The following PNLIP variants were observed in gnomAD, a reference collection of about 807,000 sequenced individuals.
The protein encoded by PNLIP is pancreatic triacylglycerol lipase.
Under a neutral mutation model 57.1 loss-of-function variants are expected in PNLIP, and 49 were observed. The observed-to-expected ratio is 0.86, with a 90% confidence interval of 0.68 to 1.09. The LOEUF (loss-of-function observed/expected upper bound fraction) is 1.09, where lower values mean the gene tolerates loss of function less well. Ranked by LOEUF, PNLIP falls within the 50% of genes least tolerant of loss-of-function variation. The probability of loss-of-function intolerance (pLI) is 0.00; values close to 1 mark genes in which losing one functional copy is unlikely to be tolerated. For synonymous variants in PNLIP, 209 were observed against 200.4 expected, an observed-to-expected ratio of 1.04 and a Z score of -0.36; for missense variants, 503 against 570.2, an observed-to-expected ratio of 0.88 and a Z score of 1.20.
In PNLIP at chr10:116,555,485, G is replaced by A. The variant is rs753917078; in HGVS notation, c.789G>A (p.Val263=). Residue 263 remains valine, a synonymous_variant, in exon 8 of 13, where the codon GTG becomes GTA. Transcript: ENST00000369221. ...AAAAGAACATTCTCTCTCAGATTGT[G>A]GACATAGACGGAATCTGGGAAGGTA... is the stretch of plus-strand genomic sequence containing the variant. ...GCKKNILSQI[V]DIDGIWEGTR... 5.6e-6 allele frequency: 9 copies of A among 1,614,062 alleles called. No individual in the cohort carries two copies. The highest frequency in any genetic ancestry group is 7.6e-6 in the Non-Finnish European group (9 of 1,179,926).
rs775684094 is a variant in PNLIP, at chr10:116,555,169, T to C, written c.572-9T>C. On this transcript the variant is annotated splice_polypyrimidine_tract_variant and intron_variant, in intron 6 of 12. Transcript: ENST00000369221. ...TGTCATAATTCATGAAACATACTCTTTACTTTAGGGTTGGACCCAGCAGAA... is the reference window on the plus strand; with the variant it reads ...TGTCATAATTCATGAAACATACTCTCTACTTTAGGGTTGGACCCAGCAGAA... The C allele has an allele frequency of 7.4e-6, 12 of 1,614,080 alleles. No homozygotes were observed. The South Asian group carries it at 1.3e-4, about 18-fold the overall frequency.
chr10:116,551,044 GTAAT>G, intron 4 of PNLIP, 50 bp from the exon 5 acceptor site: 91 of 1,436,498 alleles, frequency 6.3e-5, no homozygotes, highest in Non-Finnish European at 8.5e-5. Flanking sequence ...ATGTTAACTA[GTAAT>G]TAATAAAGAT....
In PNLIP at chr10:116,553,642, G is replaced by A. The variant is rs1847218500; in HGVS notation, c.460-85G>A. 2.6e-6 allele frequency: 2 copies of A among 768,468 alleles called. 1 individual carries two copies. The highest frequency in any genetic ancestry group is 4.6e-6 in the Non-Finnish European group (2 of 436,572). The allele number at this position is 768,468 out of a possible 1,614,324, so 47.6% of individuals were successfully genotyped here. A position where few individuals can be genotyped will look rare whatever the true frequency, so the allele number is the denominator to read the frequency against. On this transcript the variant is annotated intron_variant, in intron 5 of 12. Transcript: ENST00000369221. ...TCCCACAACAATGAAATCGCTTGAT[G>A]ATGCATTTCTTGTAACGTATCCCTG...
At position 116,551,127 on chromosome 10, in the gene PNLIP, T is replaced by C; in HGVS notation, c.354T>C (p.Cys118=). 1 of 1,611,108 alleles carries C rather than the reference T, an allele frequency of 6.2e-7. No individual in the cohort carries two copies. Among genetic ancestry groups the C allele is most frequent in the Non-Finnish European group, 8.5e-7 (1 of 1,178,378 alleles). ...KNLFKVESVN[C]ICVDWKGGSR... is the part of the protein sequence containing the mutation. ...TGTTCAAGGTGGAAAGTGTGAACTG[T>C]ATCTGTGTGGACTGGAAAGGTGGCT... Residue 118 remains cysteine (C), a synonymous_variant, in exon 5 of 13, where the codon TGT becomes TGC. Coordinates refer to ENST00000369221, the MANE Select transcript of PNLIP (RefSeq NM_000936.4).
rs193203237 is a variant in PNLIP, at chr10:116,563,243, G to A, written c.1334+1607G>A. 1.4e-3 allele frequency among the ~76,000 whole-genome samples: 211 copies of A among 151,862 alleles called. 1 individual carries two copies. Among genetic ancestry groups the A allele is most frequent in the Middle Eastern group, 3.4e-3 (1 of 294 alleles). On this transcript the variant is annotated intron_variant, in intron 12 of 12. Coordinates refer to ENST00000369221, the MANE Select transcript of PNLIP (RefSeq NM_000936.4). ...GATTTTGAATTTCTTTAGACTTTAG[G>A]AATAGTTCCATTATATGTACCAGTT...
chr10:116,547,478 G>A, intron 3 of PNLIP, 30 bp downstream of exon 3: 1 of 1,588,002 alleles, frequency 6.3e-7, no homozygotes, highest in Non-Finnish European at 8.6e-7. Context: ...TTAGAACTAA[G>A]TTCTTTGGGA....
At chr10:116,557,608 C>T (rs1019808141) in intron 9 of PNLIP, among the ~76,000 whole-genome samples, 3 of 152,114 alleles carry the variant, frequency 2.0e-5, no homozygotes, top group Admixed American at 6.5e-5. Context: ...CATTTCTTCC[C>T]GGCTGGCTTA....
At chr10:116,562,145 G>A (rs1245894234) in intron 12 of PNLIP, among the ~76,000 whole-genome samples, 1 of 152,190 alleles carries the variant, frequency 6.6e-6, no homozygotes, top group Non-Finnish European at 1.5e-5. Context: ...TACCAGGAAA[G>A]GTGATCTGGT....
intron 5 of PNLIP, among the ~76,000 whole-genome samples, chr10:116,551,740 C>T (rs1847196392): frequency 6.6e-6 from 1 of 152,184 alleles, no homozygotes; most frequent in Non-Finnish European, 1.5e-5. Context: ...AGAGTTCTCT[C>T]TCCATAGTAA....
chr10:116,556,534 A>T (rs1305937652), intron 9 of PNLIP, among the ~76,000 whole-genome samples: 1 of 151,658 alleles, frequency 6.6e-6, no homozygotes, highest in Non-Finnish European at 1.5e-5. Flanking sequence ...AATGGCCAAA[A>T]TTTTTTTTTG....
intron 3 of PNLIP, 124 bp from the exon 4 acceptor site, chr10:116,548,236 A>G: frequency 4.8e-6 from 4 of 836,854 alleles, no homozygotes; most frequent in Non-Finnish European, 7.5e-6. Context: ...GTTGCTATGG[A>G]GGAATCATTA....
At chr10:116,546,045 T>A in intron 1 of PNLIP, 48 bp from the exon 2 acceptor site, 1 of 1,571,682 alleles carries the variant, frequency 6.4e-7, no homozygotes, top group South Asian at 1.1e-5. Flanking sequence ...AACTTGCCGA[T>A]CTTTTAAAAA....
At chr10:116,553,475 C>T (rs760400149) in intron 5 of PNLIP, among the ~76,000 whole-genome samples, 3 of 152,168 alleles carry the variant, frequency 2.0e-5, no homozygotes, top group Non-Finnish European at 2.9e-5. Context: ...CAACTAGTTA[C>T]GTTGTGTTCC....
Position 116,553,818 on chromosome 10 carries a change from G to A in PNLIP, c.551G>A (p.Gly184Glu), listed in dbSNP as rs200834637. The A allele has an allele frequency of 6.2e-7, 1 of 1,608,560 alleles. No homozygotes were observed. The highest frequency in any genetic ancestry group is 2.2e-5 in the East Asian group (1 of 44,782). Reference protein sequence around the residue: ...AAGEAGRRTNGTIGRITGLDP... With the variant: ...AAGEAGRRTNETIGRITGLDP... ...GGGGAGGCTGGAAGGAGAACCAATG[G>A]GACCATTGGACGCATCACAGGTTGG... The change falls in exon 6 of 13, where the codon GGG becomes GAG. Residue 184 changes from glycine (G) to glutamate (E), a missense_variant. Coordinates refer to ENST00000369221, the MANE Select transcript of PNLIP (RefSeq NM_000936.4).
intron 9 of PNLIP, among the ~76,000 whole-genome samples, chr10:116,557,195 C>G (rs999976313): frequency 2.6e-5 from 4 of 152,152 alleles, no homozygotes; most frequent in African/African-American, 9.6e-5. Flanking sequence ...CAATACCCAA[C>G]AATAAGTAAT....
chr10:116,552,595 T>C (rs557223919), intron 5 of PNLIP, among the ~76,000 whole-genome samples: 1 of 152,064 alleles, frequency 6.6e-6, no homozygotes, highest in Non-Finnish European at 1.5e-5. Flanking sequence ...TTAAAAAAAA[T>C]AAAAATTGTG....
At chr10:116,548,167 T>C (rs1392496063) in intron 3 of PNLIP, among the ~76,000 whole-genome samples, 193 bp from the exon 4 acceptor site, 1 of 151,804 alleles carries the variant, frequency 6.6e-6, no homozygotes, top group Non-Finnish European at 1.5e-5. Context: ...AGTTGAACAA[T>C]GGCAAACATG....
At position 116,559,250 on chromosome 10, in the gene PNLIP, T is replaced by G; in HGVS notation, c.1027T>G (p.Tyr343Asp). 1 of 1,614,102 alleles carries G rather than the reference T, an allele frequency of 6.2e-7. No homozygotes were observed. Among genetic ancestry groups the G allele is most frequent in the Non-Finnish European group, 8.5e-7 (1 of 1,179,942 alleles). Residue 343 changes from tyrosine (Y) to aspartate (D), a missense_variant, in exon 10 of 13, where the codon TAT becomes GAT. Physicochemically the swap from Tyr to Asp is radical, Grantham distance 160 (BLOSUM62 -3). Transcript: ENST00000369221. ...GKTNDVGQKF[Y>D]LDTGDASNFA... is the part of the protein sequence containing the mutation. ...AACAAATGATGTGGGCCAGAAATTTTATCTAGACACTGGTGATGCCAGTAA... is the reference window on the plus strand; with the variant it reads ...AACAAATGATGTGGGCCAGAAATTTGATCTAGACACTGGTGATGCCAGTAA...
At chr10:116,565,174 C>T (rs1426939252) in intron 12 of PNLIP, among the ~76,000 whole-genome samples, 1 of 128,250 alleles carries the variant, frequency 7.8e-6, no homozygotes, top group African/African-American at 2.9e-5. Context: ...GGCGTGAACC[C>T]GGGAGGCGGA....
Sources: allele counts gnomAD v4.1 joint callset (sites outside exome capture counted in the v4.1 genomes callset), GRCh38; gene constraint gnomAD v4.1.1; transcripts MANE v1.5; gene names NCBI Gene and HGNC (gene_info 2026-07-23, HGNC 2026-07-21).